The following CYP11A1 variants were observed in gnomAD, a reference collection of about 807,000 sequenced individuals.
CYP11A1 encodes cholesterol side-chain cleavage enzyme, mitochondrial.
A neutral mutation model predicts 51.9 loss-of-function variants in CYP11A1; 25 were observed. The ratio of observed to expected loss-of-function variants is 0.48; its 90% CI spans 0.35 to 0.67. CYP11A1 has a LOEUF of 0.67. CYP11A1 is among the 30% of genes least tolerant of loss of function. The pLI, the probability that CYP11A1 is intolerant of heterozygous loss-of-function variation, is 0.00. For missense variants in CYP11A1, 578 were observed against 680.9 expected (o/e 0.85, Z 1.68); for synonymous variants, 245 against 262.1 (o/e 0.93, Z 0.63).
intron 8 of CYP11A1, 172 bp from the exon 9 acceptor site, chr15:74,338,275 C>T: frequency 2.5e-6 from 2 of 793,324 alleles, no homozygotes; most frequent in Non-Finnish European, 4.2e-6. Flanking sequence ...ACCCTTAGTG[C>T]TGCATTTCCT....
At chr15:74,353,295 C>A (rs536501572) in intron 1 of CYP11A1, among the ~76,000 whole-genome samples, 1 of 152,032 alleles carries the variant, frequency 6.6e-6, no homozygotes, top group East Asian at 1.9e-4. Flanking sequence ...TTCTTTAAAA[C>A]CTGATAAAGA....
intron 2 of CYP11A1, among the ~76,000 whole-genome samples, chr15:74,346,278 G>T (rs112416661): frequency 1.3e-5 from 2 of 150,884 alleles, no homozygotes; most frequent in Non-Finnish European, 2.9e-5. Context: ...ACTTGAACCC[G>T]GGAGGCGGAG....
rs978487055 is a variant in CYP11A1 at position 74,348,699 on chromosome 15, A to T, written c.270-644T>A. On this transcript the variant is annotated intron_variant, in intron 1 of 8. Transcript: ENST00000268053. ...GGCAGGGGAGACAGGCTTGCAAATC[A>T]CTTTGCAGACAATCTGTATTAAATA... is the stretch of plus-strand genomic sequence containing the variant. Among the ~76,000 whole-genome samples, 18 of 152,258 alleles carry T rather than the reference A, an allele frequency of 1.2e-4. No homozygotes were observed. The East Asian group carries it at 3.3e-3, about 28-fold the overall frequency.
chr15:74,338,891 C>A, intron 7 of CYP11A1, 123 bp from the exon 8 acceptor site: 1 of 892,218 alleles, frequency 1.1e-6, no homozygotes, highest in Non-Finnish European at 1.8e-6. Flanking sequence ...GGCTGCCCAG[C>A]TCTCCAGGGC....
Position 74,339,752 on chromosome 15 carries a change from G to A in CYP11A1, c.992C>T (p.Thr331Met), listed in dbSNP as rs139449608. Reference sequence around the variant, plus strand: ...CAAGTGCCACTGCAGGGTCATGGACGTCTGGTGGGGAGTAGGGTATACAGA... The same window carrying A: ...CAAGTGCCACTGCAGGGTCATGGACATCTGGTGGGGAGTAGGGTATACAGA... Reference protein sequence around the residue: ...TEMLAGGVDTTSMTLQWHLYE... With the variant: ...TEMLAGGVDTMSMTLQWHLYE... Residue 331 changes from threonine (T) to methionine (M), a missense_variant and splice_region_variant, in exon 6 of 9, where the codon ACG (threonine) becomes ATG (methionine). By Grantham distance (81) the Thr-to-Met change is moderately conservative. Transcript: ENST00000268053. The A allele has an allele frequency of 5.0e-6, 8 of 1,613,998 alleles. No individual in the cohort carries two copies. Among genetic ancestry groups the A allele is most frequent in the South Asian group, 2.2e-5 (2 of 91,092 alleles).
chr15:74,350,126 G>T, intron 1 of CYP11A1: 1 of 395,264 alleles, frequency 2.5e-6, no homozygotes. Flanking sequence ...ATATATTGTT[G>T]TGAGACAACA....
chr15:74,367,440 T>C lies in CYP11A1; in HGVS notation c.146A>G (p.Asn49Ser), dbSNP rs550589207. ...GISTRSPRPF[N>S]EIPSPGDNGW... ...ATTGTCACCAGGAGAGGGGATCTCA[T>C]TGAAGGGGCGAGGACTGCGGGTGGA... Residue 49 changes from asparagine to serine, a missense_variant, in exon 1 of 9, where the codon AAT becomes AGT. Transcript: ENST00000268053. 1 of 1,614,094 alleles carries C rather than the reference T, an allele frequency of 6.2e-7. No homozygotes were observed. Among genetic ancestry groups the C allele is most frequent in the Admixed American group, 1.7e-5 (1 of 60,006 alleles).
rs746918276 is a variant in CYP11A1 at position 74,343,994 on chromosome 15, TGCAG to T, written c.626-6_626-3del. On this transcript the variant is annotated splice_polypyrimidine_tract_variant and splice_region_variant and intron_variant, in intron 3 of 8. Coordinates refer to ENST00000268053, the MANE Select transcript of CYP11A1 (RefSeq NM_000781.3). Reference sequence around the variant, plus strand: ...CCCCAAAAATGACGTTAGTGATGGCTGCAGGGAGAGGAAGAGGCTGAGGAGCCAT... The same window carrying T: ...CCCCAAAAATGACGTTAGTGATGGCTGGAGAGGAAGAGGCTGAGGAGCCAT... The T allele has an allele frequency of 2.5e-6, 4 of 1,613,960 alleles. No individual in the cohort carries two copies. In the South Asian group the frequency reaches 4.4e-5, roughly 18 times the overall value.
chr15:74,340,060 T>C (rs2060599545), intron 5 of CYP11A1, among the ~76,000 whole-genome samples: 1 of 152,216 alleles, frequency 6.6e-6, no homozygotes, highest in South Asian at 2.1e-4. Context: ...ACACAGCCAA[T>C]GCCTTCTTCC....
intron 5 of CYP11A1, among the ~76,000 whole-genome samples, chr15:74,342,005 CA>C (rs1246094065): frequency 2.6e-5 from 4 of 152,186 alleles, no homozygotes; most frequent in Non-Finnish European, 5.9e-5. Context: ...TTAAATCGCC[CA>C]GTCAATGCCA....
At chr15:74,361,363 C>A in intron 1 of CYP11A1, 1 of 242,874 alleles carries the variant, frequency 4.1e-6, no homozygotes, top group Admixed American at 5.1e-5. Flanking sequence ...TATTGTAAAC[C>A]ACAAAAATGA....
intron 2 of CYP11A1, among the ~76,000 whole-genome samples, chr15:74,346,369 A>G (rs912977179): frequency 3.4e-5 from 5 of 144,934 alleles, no homozygotes; most frequent in East Asian, 2.0e-4. Context: ...AAAAAAAAAA[A>G]AAAAGAAAGA....
intron 1 of CYP11A1, among the ~76,000 whole-genome samples, chr15:74,351,091 A>C (rs566451187): frequency 6.6e-6 from 1 of 152,302 alleles, no homozygotes; most frequent in East Asian, 1.9e-4. Flanking sequence ...GGCCAGTGAA[A>C]CTAAGGGGTT....
chr15:74,359,647 A>T (rs1437847431), intron 1 of CYP11A1: 1 of 152,008 alleles, frequency 6.6e-6, no homozygotes. Context: ...ACCTACCCAA[A>T]TCCTATAAAA....
chr15:74,367,238 G>A (rs2060738027), intron 1 of CYP11A1, 79 bp downstream of exon 1: 2 of 1,537,836 alleles, frequency 1.3e-6, no homozygotes, highest in African/African-American at 1.4e-5. Flanking sequence ...AGCCTGTTGG[G>A]GGAGTGGGGA....
Position 74,343,814 on chromosome 15 carries a change from A to G in CYP11A1, c.804T>C (p.Ala268=), listed in dbSNP as rs1596159759. The G allele has an allele frequency of 6.2e-7, 1 of 1,613,034 alleles. No homozygotes were observed. The highest frequency in any genetic ancestry group is 2.2e-5 in the East Asian group (1 of 44,890). ...FRTKTWKDHV[A]AWDVIFSKAD... is the part of the protein sequence containing the mutation. ...CTTTACTGAAAATCACGTCCCATGCAGCCACATGGTCCTTCCAGGTCTTGG... is the reference window on the plus strand; with the variant it reads ...CTTTACTGAAAATCACGTCCCATGCGGCCACATGGTCCTTCCAGGTCTTGG... The change falls in exon 4 of 9, where the codon GCT becomes GCC. Residue 268 remains alanine, a synonymous_variant. Transcript: ENST00000268053.
In CYP11A1 at chr15:74,348,059, G is replaced by A. The variant is rs781359258; in HGVS notation, c.270-4C>T. On this transcript the variant is annotated splice_polypyrimidine_tract_variant and splice_region_variant and intron_variant, in intron 1 of 8. Transcript: ENST00000268053. ...CTCCACGTTGCCGAGCTTCTCCCTG[G>A]AGGGGTGGGGGAGAGGGGCTGATGG... 4 of 1,614,066 alleles carry A rather than the reference G, an allele frequency of 2.5e-6. No homozygotes were observed. Among genetic ancestry groups the A allele is most frequent in the South Asian group, 1.1e-5 (1 of 91,060 alleles).
intron 5 of CYP11A1, 109 bp downstream of exon 5, chr15:74,342,868 A>T: frequency 3.6e-6 from 4 of 1,124,346 alleles, no homozygotes; most frequent in Non-Finnish European, 4.0e-6. Flanking sequence ...CATATCCTAC[A>T]TGAGTAGGAA....
chr15:74,346,246 C>A (rs761295207), intron 2 of CYP11A1, among the ~76,000 whole-genome samples: 1 of 149,634 alleles, frequency 6.7e-6, no homozygotes, highest in African/African-American at 2.5e-5. Context: ...CCAGCTACGC[C>A]GGAGCTTGAG....
Sources: gnomAD v4.1 joint callset for allele counts (sites outside exome capture counted in the v4.1 genomes callset) on GRCh38, gnomAD v4.1.1 for gene constraint, MANE v1.5 for transcripts, NCBI Gene and HGNC (gene_info 2026-07-23, HGNC 2026-07-21) for gene names.